Variants in MYH4 observed in about 807,000 individuals in gnomAD.
MYH4 encodes the protein myosin-4.
MYH4 carries 200 observed loss-of-function variants against 229.9 expected under a neutral mutation model. That is an observed-to-expected ratio of 0.87 (90% CI 0.78 to 0.98). The LOEUF (loss-of-function observed/expected upper bound fraction) is 0.98. Ranked by LOEUF, MYH4 falls within the 50% of genes least tolerant of loss-of-function variation. The pLI, the probability that MYH4 is intolerant of heterozygous loss-of-function variation, is 0.00. For missense variants in MYH4, 2,148 were observed against 2,332.6 expected (o/e 0.92, Z 1.63); for synonymous variants, 761 against 834.6 (o/e 0.91, Z 1.52).
intron 17 of MYH4, 85 bp from the exon 18 acceptor site, chr17:10,455,986 A>T: frequency 6.5e-7 from 1 of 1,529,792 alleles, no homozygotes; most frequent in South Asian, 1.2e-5. Context: ...TTCATTTCAC[A>T]TTTTAATGAG....
At chr17:10,466,805 A>G (rs2072773455) in intron 2 of MYH4, 21 bp from the exon 3 acceptor site, 1 of 1,587,978 alleles carries the variant, frequency 6.3e-7, no homozygotes, top group African/African-American at 1.3e-5. Context: ...AAACAGAGCC[A>G]AATGATGATT....
At chr17:10,459,542 T>A in intron 14 of MYH4, 121 bp from the exon 15 acceptor site, 1 of 1,505,130 alleles carries the variant, frequency 6.6e-7, no homozygotes, top group Non-Finnish European at 9.0e-7. Flanking sequence ...ACCTTCAGAT[T>A]GTTTTCCTAT....
intron 7 of MYH4, 35 bp downstream of exon 7, chr17:10,464,437 C>T (rs755075216): frequency 6.4e-7 from 1 of 1,567,726 alleles, no homozygotes; most frequent in South Asian, 1.1e-5. Context: ...ATTTTAAAAT[C>T]TGTTATTCTG....
Position 10,443,773 on chromosome 17 carries a change from C to T in MYH4, c.5668-246G>A, listed in dbSNP as rs148715552. ...CCCATCTTTACTAAAATTAGCCCAG[C>T]GTAGTGGTGGATGCCTGTAATTCCA... is the stretch of plus-strand genomic sequence containing the variant. On this transcript the variant is annotated intron_variant, in intron 39 of 39. Coordinates refer to ENST00000255381, the MANE Select transcript of MYH4 (RefSeq NM_017533.2). This position sits in a 1 kb window ranked among gnomAD's most constrained non-coding sequence, Gnocchi z 4.6. 6.2e-3 allele frequency among the ~76,000 whole-genome samples: 935 copies of T among 151,994 alleles called. 11 individuals are homozygous for T. The highest frequency in any genetic ancestry group is 0.021 in the African/African-American group (879 of 41,452).
rs144746724 is a variant in MYH4 at position 10,453,616 on chromosome 17, TATTCTAAA to T, written c.2934+19_2934+26del. The T allele has an allele frequency of 3.6e-4, 575 of 1,614,076 alleles. 2 individuals are homozygous for T. The African/African-American group carries it at 7.0e-3, about 20-fold the overall frequency. ...ACTTCAGTATCAAGGTGCTTATAAA[TATTCTAAA>T]ATGGATCATGATTTGTACCTTGTTC... On this transcript the variant is annotated intron_variant, in intron 23 of 39. Coordinates refer to ENST00000255381, the MANE Select transcript of MYH4 (RefSeq NM_017533.2).
At position 10,454,974 on chromosome 17, in the gene MYH4, A is replaced by C. The variant is rs763639457; in HGVS notation, c.2402T>G (p.Met801Arg). 6 of 1,614,224 alleles carry C rather than the reference A, an allele frequency of 3.7e-6. No homozygotes were observed. Among genetic ancestry groups the C allele is most frequent in the Non-Finnish European group, 5.1e-6 (6 of 1,180,038 alleles). ...RTQAICRGFL[M>R]RVEFRKMMER... ...CATCATCTTTCTGAACTCCACTCTC[A>C]TCAGGAACCCTCTGCATATGGCTTG... The change falls in exon 21 of 40, where the codon ATG becomes AGG. Residue 801 changes from methionine (M) to arginine (R), a missense_variant. Physicochemically the swap from Met to Arg is moderately conservative, Grantham distance 91 (BLOSUM62 -1). Coordinates refer to ENST00000255381, the MANE Select transcript of MYH4 (RefSeq NM_017533.2).
intron 35 of MYH4, among the ~76,000 whole-genome samples, chr17:10,446,646 G>A (rs1276571038): frequency 3.9e-5 from 6 of 152,160 alleles, no homozygotes; most frequent in Admixed American, 3.3e-4. Flanking sequence ...TATGTGATAC[G>A]TAAATATTAT....
At chr17:10,458,713 C>T in intron 15 of MYH4, among the ~76,000 whole-genome samples, 1 of 152,088 alleles carries the variant, frequency 6.6e-6, no homozygotes, top group Admixed American at 6.5e-5. Flanking sequence ...TTGCTTCACC[C>T]CCTTAGTAAT....
Position 10,448,726 on chromosome 17 carries a change from G to T in MYH4, c.4423C>A (p.Gln1475Lys). The T allele has an allele frequency of 6.2e-7, 1 of 1,614,054 alleles. No individual in the cohort carries two copies. Among genetic ancestry groups the T allele is most frequent in the Non-Finnish European group, 8.5e-7 (1 of 1,179,986 alleles). Residue 1475 changes from glutamine to lysine, a missense_variant, in exon 32 of 40, where the codon CAG becomes AAG. Transcript: ENST00000255381. ...GTGCTGAGAGAACGCGACTCCTTCT[G>T]GGAGGCCTCAAGTTCAGCCTGAGTT... ...EETQAELEAS[Q>K]KESRSLSTEL...
chr17:10,459,572 T>G, intron 14 of MYH4, 151 bp from the exon 15 acceptor site: 1 of 1,373,528 alleles, frequency 7.3e-7, no homozygotes, highest in African/African-American at 1.5e-5. Flanking sequence ...CTAAACAAAG[T>G]AGAATTGATT....
intron 11 of MYH4, among the ~76,000 whole-genome samples, 185 bp downstream of exon 11, chr17:10,462,680 G>A (rs1422046435): frequency 6.6e-6 from 1 of 152,158 alleles, no homozygotes; most frequent in African/African-American, 2.4e-5. Context: ...GGCAGTGAAA[G>A]CTTTTTAACA....
intron 35 of MYH4, among the ~76,000 whole-genome samples, chr17:10,445,755 G>A (rs578201622): frequency 4.3e-4 from 65 of 152,156 alleles, no homozygotes; most frequent in Middle Eastern, 3.4e-3. Context: ...TTGGCTGGGC[G>A]CAGTGGCTCA....
intron 9 of MYH4, 53 bp from the exon 10 acceptor site, chr17:10,463,241 G>A: frequency 6.4e-7 from 1 of 1,561,220 alleles, no homozygotes; most frequent in Middle Eastern, 1.7e-4. Flanking sequence ...GAAAAATTAA[G>A]TGTTTGAAAA....
intron 15 of MYH4, among the ~76,000 whole-genome samples, chr17:10,458,846 A>C (rs2072669928): frequency 1.3e-5 from 2 of 152,186 alleles, no homozygotes; most frequent in African/African-American, 4.8e-5. Context: ...TCCAATCTTT[A>C]AGACGTGTTG....
rs775815764 is a variant in MYH4 at position 10,444,691 on chromosome 17, C to G, written c.5580G>C (p.Glu1860Asp). The G allele has an allele frequency of 1.9e-6, 3 of 1,613,812 alleles. No individual in the cohort carries two copies. In the South Asian group the frequency reaches 3.3e-5, roughly 18 times the overall value. ...GCAGCCTGAGAATATTCTTGCGGTC[C>G]TCCTCAGTCTGAAAGAGGTGCAAGT... ...RVKELTYQTE[E>D]DRKNILRLQD... Residue 1860 changes from glutamate to aspartate, a missense_variant, in exon 39 of 40, where the codon GAG becomes GAC. Glu to Asp is a conservative substitution (Grantham distance 45, BLOSUM62 2). Transcript: ENST00000255381.
At chr17:10,448,226 A>G in intron 33 of MYH4, 100 bp from the exon 34 acceptor site, 1 of 1,329,484 alleles carries the variant, frequency 7.5e-7, no homozygotes, top group East Asian at 2.4e-5. Flanking sequence ...CCCATAAACT[A>G]TCATACGTCT....
chr17:10,444,607 C>G lies in MYH4; in HGVS notation c.5664G>C (p.Glu1888Asp). ...TTTCCACTGTGGAGATACTCACAGC[C>G]TCTTCAGCTTGTCTCTTGTAAGCTT... is the stretch of plus-strand genomic sequence containing the variant. ...KVKAYKRQAE[E>D]AEEQSNVNLA... Residue 1888 changes from glutamate to aspartate, a missense_variant, in exon 39 of 40, where the codon GAG (glutamate) becomes GAC (aspartate). Coordinates refer to ENST00000255381, the MANE Select transcript of MYH4 (RefSeq NM_017533.2). The G allele has an allele frequency of 6.2e-7, 1 of 1,613,276 alleles. No homozygotes were observed. Among genetic ancestry groups the G allele is most frequent in the East Asian group, 2.2e-5 (1 of 44,840 alleles).
chr17:10,456,458 T>C, intron 17 of MYH4, 27 bp downstream of exon 17: 1 of 1,555,254 alleles, frequency 6.4e-7, no homozygotes, highest in Non-Finnish European at 8.7e-7. Flanking sequence ...TGAAAGTATT[T>C]ATCTGTAATT....
At chr17:10,463,478 GA>G (rs1597423729) in intron 8 of MYH4, 72 bp downstream of exon 8, 1 of 1,575,662 alleles carries the variant, frequency 6.3e-7, no homozygotes, top group South Asian at 1.1e-5. Flanking sequence ...CAAACAGGTG[GA>G]AAAAATATTG....
Sources: allele counts gnomAD v4.1 joint callset (sites outside exome capture counted in the v4.1 genomes callset), GRCh38; gene constraint gnomAD v4.1.1; non-coding constraint Gnocchi (gnomAD v3.1); transcripts MANE v1.5; gene names NCBI Gene and HGNC (gene_info 2026-07-23, HGNC 2026-07-21).